The following SPTBN5 variants were observed in gnomAD, a reference collection of about 807,000 sequenced individuals.
The protein encoded by SPTBN5 is spectrin beta, non-erythrocytic 5.
A neutral mutation model predicts 477.6 loss-of-function variants in SPTBN5; 513 were observed. The observed-to-expected ratio is 1.07, with a 90% confidence interval of 1.00 to 1.16. The LOEUF (loss-of-function observed/expected upper bound fraction) is 1.16, where lower values mean the gene tolerates loss of function less well. SPTBN5 is among the 50% of genes most tolerant of loss of function. The probability of loss-of-function intolerance (pLI) is 0.00; values close to 1 mark genes in which losing one functional copy is unlikely to be tolerated. For missense variants in SPTBN5, 5,062 were observed against 4,731.8 expected (o/e 1.07, Z -2.05); for synonymous variants, 2,169 against 2,011.7 (o/e 1.08, Z -2.09).
chr15:41,886,037 T>C lies in SPTBN5; in HGVS notation c.1218A>G (p.Ala406=), dbSNP rs2067138741. Residue 406 remains alanine (A), a synonymous_variant, in exon 7 of 68, where the codon GCA becomes GCG. Transcript: ENST00000320955. The part of the protein sequence containing the change: ...LSQCWAGLEW[A]EAARSQALQQ... ...GCAGGGCCTGGCTCCTTGCAGCCTCTGCCCACTCCAGCCCTGCCCAGCACT... is the reference window on the plus strand; with the variant it reads ...GCAGGGCCTGGCTCCTTGCAGCCTCCGCCCACTCCAGCCCTGCCCAGCACT... 1 of 1,568,986 alleles carries C rather than the reference T, an allele frequency of 6.4e-7. No individual in the cohort carries two copies. Among genetic ancestry groups the C allele is most frequent in the African/African-American group, 1.4e-5 (1 of 73,578 alleles).
intron 17 of SPTBN5, among the ~76,000 whole-genome samples, chr15:41,877,866 A>T (rs1288375497): frequency 6.6e-6 from 1 of 152,198 alleles, no homozygotes; most frequent in Non-Finnish European, 1.5e-5. Context: ...CAGCCTGTGG[A>T]CTGTCCCTGG....
chr15:41,865,914 C>T lies in SPTBN5; in HGVS notation c.6823-11G>A, dbSNP rs559041832. ...ATTCATCTTCACCTCCTGTGAAGGCCGAGGGTGGGGAGGGAGCGCTGTGAG... is the reference window on the plus strand; with the variant it reads ...ATTCATCTTCACCTCCTGTGAAGGCTGAGGGTGGGGAGGGAGCGCTGTGAG... On this transcript the variant is annotated splice_polypyrimidine_tract_variant and intron_variant, in intron 38 of 67. Coordinates refer to ENST00000320955, the MANE Select transcript of SPTBN5 (RefSeq NM_016642.4). The T allele has an allele frequency of 2.3e-5, 36 of 1,564,040 alleles. No individual in the cohort carries two copies. The highest frequency in any genetic ancestry group is 2.8e-5 in the Non-Finnish European group (32 of 1,154,282).
At chr15:41,864,077 C>A in intron 39 of SPTBN5, 53 bp from the exon 40 acceptor site, 3 of 1,467,454 alleles carry the variant, frequency 2.0e-6, no homozygotes, top group Non-Finnish European at 1.9e-6. Context: ...AGAGCCCCTT[C>A]TTCCCACCTC....
intron 14 of SPTBN5, 103 bp from the exon 15 acceptor site, chr15:41,879,967 C>T: frequency 6.7e-7 from 1 of 1,491,026 alleles, no homozygotes; most frequent in Non-Finnish European, 9.1e-7. Context: ...TACAGGGATG[C>T]TCATGCTGCC....
rs1567232232 is a variant in SPTBN5 at position 41,887,270 on chromosome 15, G to T, written c.831C>A (p.Tyr277Ter). ...GATGCAGGCGGGAGCAGTAGTGGTA[G>T]TAGAGGGAGACGTAGGTCATGATAG... is the stretch of plus-strand genomic sequence containing the variant. ...ERSIMTYVSL[Y>*]YHYCSRLHQG... Residue 277 changes from tyrosine (Y) to a stop codon, truncating the protein, a stop_gained, in exon 6 of 68, where the codon TAC (tyrosine) becomes TAA (stop). Coordinates refer to ENST00000320955, the MANE Select transcript of SPTBN5 (RefSeq NM_016642.4). LOFTEE classifies it high-confidence loss of function. 1 of 1,551,400 alleles carries T rather than the reference G, an allele frequency of 6.4e-7. No individual in the cohort carries two copies. The highest frequency in any genetic ancestry group is 2.0e-5 in the Admixed American group (1 of 51,010).
At position 41,877,178 on chromosome 15, in the gene SPTBN5, C is replaced by A. The variant is rs200590096; in HGVS notation, c.3649G>T (p.Val1217Leu). ...GCACAGGTGGCAGTGAAACCATCCACTTCTCGGCCAAACTTCTGCAGCTCC... is the reference window on the plus strand; with the variant it reads ...GCACAGGTGGCAGTGAAACCATCCAATTCTCGGCCAAACTTCTGCAGCTCC... The part of the protein sequence containing the change: ...GLELQKFGRE[V>L]DGFTATCANH... The change falls in exon 18 of 68, where the codon GTG (valine) becomes TTG (leucine). Residue 1217 changes from valine to leucine, a missense_variant. Physicochemically the swap from Val to Leu is conservative, Grantham distance 32. Coordinates refer to ENST00000320955, the MANE Select transcript of SPTBN5 (RefSeq NM_016642.4). 1.2e-4 allele frequency: 198 copies of A among 1,614,006 alleles called. No individual in the cohort carries two copies. The African/African-American group carries it at 2.4e-3, about 20-fold the overall frequency.
In SPTBN5 at chr15:41,852,250, A is replaced by C; in HGVS notation, c.10516T>G (p.Ser3506Ala). 1 of 1,610,546 alleles carries C rather than the reference A, an allele frequency of 6.2e-7. No homozygotes were observed. The highest frequency in any genetic ancestry group is 8.5e-7 in the Non-Finnish European group (1 of 1,178,544). ...KPGRAGSSLT[S>A]FQWRPSGHQG... is the part of the protein sequence containing the mutation. ...TGTCCAGAGGGCCTCCACTGAAAGG[A>C]TGTCAGCGAGCTGCCAGCTCTCCCG... The change falls in exon 62 of 68, where the codon TCC becomes GCC. Residue 3506 changes from serine (S) to alanine (A), a missense_variant. Transcript: ENST00000320955.
At position 41,890,133 on chromosome 15, in the gene SPTBN5, C is replaced by A; in HGVS notation, c.457G>T (p.Val153Phe). Residue 153 changes from valine to phenylalanine, a missense_variant, in exon 4 of 68, where the codon GTC (valine) becomes TTC (phenylalanine). Coordinates refer to ENST00000320955, the MANE Select transcript of SPTBN5 (RefSeq NM_016642.4). ...DQTLILGLIW[V>F]IILRFQISHI... The stretch of plus-strand genomic sequence containing the variant: ...GAGATCTGGAAACGCAGAATGATGA[C>A]CCAGATGAGTCCCAGGATGAGTGTC... The A allele has an allele frequency of 1.9e-6, 3 of 1,613,226 alleles. No homozygotes were observed. The highest frequency in any genetic ancestry group is 2.5e-6 in the Non-Finnish European group (3 of 1,179,612).
Position 41,857,507 on chromosome 15 carries a change from G to T in SPTBN5, c.8365-13C>A, listed in dbSNP as rs751212415. Reference sequence around the variant, plus strand: ...GCAGACGCAGGGCCTAGGGTAGAAAGTGAGGTAGGCAGGAGGGGAGTGTCC... The same window carrying T: ...GCAGACGCAGGGCCTAGGGTAGAAATTGAGGTAGGCAGGAGGGGAGTGTCC... On this transcript the variant is annotated splice_polypyrimidine_tract_variant and intron_variant, in intron 50 of 67. Transcript: ENST00000320955. 3 of 1,603,694 alleles carry T rather than the reference G, an allele frequency of 1.9e-6. No homozygotes were observed. In the Admixed American group the frequency reaches 5.0e-5, roughly 27 times the overall value.
chr15:41,874,115 G>A (rs1277553706), intron 24 of SPTBN5, 70 bp from the exon 25 acceptor site: 13 of 1,525,798 alleles, frequency 8.5e-6, no homozygotes, highest in Admixed American at 2.0e-5. Flanking sequence ...CATGGATGTG[G>A]CTCCAGGCCC....
intron 6 of SPTBN5, among the ~76,000 whole-genome samples, chr15:41,886,874 C>T (rs558228144): frequency 1.2e-3 from 190 of 152,392 alleles, no homozygotes; most frequent in Non-Finnish European, 2.2e-3. Flanking sequence ...TTTTCTGTGC[C>T]TGTCCTTGCA....
At chr15:41,880,919 A>T in intron 13 of SPTBN5, 115 bp downstream of exon 13, 1 of 913,122 alleles carries the variant, frequency 1.1e-6, no homozygotes, top group Non-Finnish European at 1.6e-6. Flanking sequence ...AGCCATGATA[A>T]AAGCTCCTTG....
intron 56 of SPTBN5, 104 bp downstream of exon 56, chr15:41,854,678 G>C (rs2065879558): frequency 1.0e-6 from 1 of 997,736 alleles, no homozygotes; most frequent in African/African-American, 1.6e-5. Context: ...GAGGCCAGCA[G>C]GGTGTGTGTC....
chr15:41,878,236 C>G, intron 17 of SPTBN5, 106 bp downstream of exon 17: 1 of 1,374,180 alleles, frequency 7.3e-7, no homozygotes, highest in South Asian at 1.4e-5. Flanking sequence ...GGGCCCCTCC[C>G]TGGGGAAATC....
chr15:41,876,955 G>T lies in SPTBN5; in HGVS notation c.3712-7C>A. Reference sequence around the variant, plus strand: ...GGGCCTCCCTCACGTCCTCCTGGGAGTGCAGAGACCTGAGGTCATGCCTGG... The same window carrying T: ...GGGCCTCCCTCACGTCCTCCTGGGATTGCAGAGACCTGAGGTCATGCCTGG... On this transcript the variant is annotated splice_polypyrimidine_tract_variant and splice_region_variant and intron_variant, in intron 18 of 67. Coordinates refer to ENST00000320955, the MANE Select transcript of SPTBN5 (RefSeq NM_016642.4). The T allele has an allele frequency of 1.9e-6, 3 of 1,603,308 alleles. No homozygotes were observed. The highest frequency in any genetic ancestry group is 2.6e-6 in the Non-Finnish European group (3 of 1,176,112).
At chr15:41,871,649 A>C in intron 28 of SPTBN5, 129 bp from the exon 29 acceptor site, 1 of 1,404,892 alleles carries the variant, frequency 7.1e-7, no homozygotes, top group Non-Finnish European at 9.4e-7. Context: ...TGCCCGCTCC[A>C]CTGAGGAGGC....
At position 41,868,511 on chromosome 15, in the gene SPTBN5, G is replaced by C; in HGVS notation, c.5944C>G (p.Leu1982Val). Residue 1982 changes from leucine (L) to valine (V), a missense_variant, in exon 33 of 68, where the codon CTC becomes GTC. By Grantham distance (32) the Leu-to-Val change is conservative (BLOSUM62 1). Transcript: ENST00000320955. ...GCCCGGAGCCACTGGTGGGCACTGA[G>C]CTTCAGCGGGCCACTGCTAGGCTCT... is the stretch of plus-strand genomic sequence containing the variant. ...SQEPSSGPLK[L>V]SAHQWLRAEL... 1.9e-6 allele frequency: 3 copies of C among 1,610,262 alleles called. No individual in the cohort carries two copies. The highest frequency in any genetic ancestry group is 3.3e-5 in the Admixed American group (2 of 60,016).
At chr15:41,868,020 A>G (rs1250232057) in intron 34 of SPTBN5, 49 bp downstream of exon 34, 1 of 1,551,286 alleles carries the variant, frequency 6.4e-7, no homozygotes, top group East Asian at 2.3e-5. Context: ...GGAGAATAGA[A>G]AGGAGGAGCA....
At chr15:41,869,740 G>C in intron 32 of SPTBN5, 101 bp downstream of exon 32, 2 of 1,246,144 alleles carry the variant, frequency 1.6e-6, no homozygotes, top group Non-Finnish European at 2.1e-6. Flanking sequence ...GTCCATGCTT[G>C]TTCTCCCTCC....
Sources: allele counts gnomAD v4.1 joint callset (sites outside exome capture counted in the v4.1 genomes callset), GRCh38; gene constraint gnomAD v4.1.1; transcripts MANE v1.5; gene names NCBI Gene and HGNC (gene_info 2026-07-23, HGNC 2026-07-21).